The following FBXL7 variants were observed in gnomAD, a reference collection of about 807,000 sequenced individuals.
FBXL7 encodes F-box and leucine rich repeat protein 7.
Under a neutral mutation model 38.3 loss-of-function variants are expected in FBXL7, and 12 were observed. The ratio of observed to expected loss-of-function variants is 0.31; its 90% CI spans 0.20 to 0.51. The LOEUF (loss-of-function observed/expected upper bound fraction) is 0.51, where lower values mean the gene tolerates loss of function less well. FBXL7 is among the 20% of genes least tolerant of loss of function. The probability of loss-of-function intolerance (pLI) is 0.98; values close to 1 mark genes in which losing one functional copy is unlikely to be tolerated. For missense variants in FBXL7, 567 were observed against 676.4 expected (o/e 0.84, Z 1.79); for synonymous variants, 297 against 300.9 (o/e 0.99, Z 0.13).
intron 2 of FBXL7, among the ~76,000 whole-genome samples, chr5:15,643,407 T>G (rs1741430846): frequency 6.6e-6 from 1 of 152,182 alleles, no homozygotes; most frequent in Non-Finnish European, 1.5e-5. Flanking sequence ...ATGTAGTGCT[T>G]AAAAGAAACA....
intron 1 of FBXL7, among the ~76,000 whole-genome samples, chr5:15,563,105 T>C (rs1738464083): frequency 1.3e-5 from 2 of 152,254 alleles, no homozygotes; most frequent in South Asian, 4.1e-4. Flanking sequence ...TGTCTTCTGC[T>C]GGAAAGGTGC....
chr5:15,822,353 C>A (rs1738193177), intron 2 of FBXL7, among the ~76,000 whole-genome samples: 1 of 152,022 alleles, frequency 6.6e-6, no homozygotes, highest in Non-Finnish European at 1.5e-5. Flanking sequence ...CAGAGCACGA[C>A]TCCATCTCAA....
At position 15,928,517 on chromosome 5, in the gene FBXL7, C is replaced by G. The variant is rs753492842; in HGVS notation, c.739+16C>G. ...GATGTGTCAGGTAAATGGACACTGA[C>G]CTACCAGCTATGGGCCCTCCTGGTG... On this transcript the variant is annotated intron_variant, in intron 3 of 3. Coordinates refer to ENST00000504595, the MANE Select transcript of FBXL7 (RefSeq NM_012304.5). This position sits in a 1 kb window ranked among gnomAD's most constrained non-coding sequence, Gnocchi z 4.0. 2.8e-5 allele frequency: 44 copies of G among 1,597,922 alleles called. 1 individual carries two copies. In the South Asian group the frequency reaches 4.9e-4, roughly 18 times the overall value.
chr5:15,694,050 G>T (rs1743259798), intron 2 of FBXL7, among the ~76,000 whole-genome samples: 1 of 152,064 alleles, frequency 6.6e-6, no homozygotes, highest in South Asian at 2.1e-4. Context: ...TAAGCTGAAA[G>T]AACACACTGT....
At chr5:15,735,984 A>G (rs1735738896) in intron 2 of FBXL7, among the ~76,000 whole-genome samples, 1 of 152,220 alleles carries the variant, frequency 6.6e-6, no homozygotes, top group Non-Finnish European at 1.5e-5. Flanking sequence ...AGCAGGACGA[A>G]TAGTGTTTCA....
chr5:15,648,243 G>T (rs1036190134), intron 2 of FBXL7, among the ~76,000 whole-genome samples: 1 of 152,122 alleles, frequency 6.6e-6, no homozygotes, highest in East Asian at 1.9e-4. Flanking sequence ...TATTAGTTTC[G>T]TGGATCTTAT....
chr5:15,795,079 A>G (rs1665157082), intron 2 of FBXL7, among the ~76,000 whole-genome samples: 2 of 152,184 alleles, frequency 1.3e-5, no homozygotes, highest in African/African-American at 2.4e-5. Context: ...CTTCTGTGTG[A>G]TTCTGCATCT....
chr5:15,532,078 A>G (rs1239838877), intron 1 of FBXL7, among the ~76,000 whole-genome samples: 1 of 152,228 alleles, frequency 6.6e-6, no homozygotes, highest in East Asian at 1.9e-4. Flanking sequence ...CTTGGTACAC[A>G]TTGTGAGTGC....
At chr5:15,918,877 A>C (rs1741669737) in intron 2 of FBXL7, among the ~76,000 whole-genome samples, 1 of 152,264 alleles carries the variant, frequency 6.6e-6, no homozygotes, top group East Asian at 1.9e-4. Context: ...AACTCCCTCC[A>C]GGTGAAATGC....
chr5:15,584,679 A>G (rs900063200), intron 1 of FBXL7, among the ~76,000 whole-genome samples: 1 of 152,036 alleles, frequency 6.6e-6, no homozygotes, highest in Non-Finnish European at 1.5e-5. Context: ...CCATTACCCA[A>G]TTTCAAAGCT....
intron 2 of FBXL7, among the ~76,000 whole-genome samples, chr5:15,757,913 A>T (rs1736340620): frequency 6.6e-6 from 1 of 152,080 alleles, no homozygotes; most frequent in Admixed American, 6.6e-5. Flanking sequence ...CAGCTAGATG[A>T]TTCCTATTTT....
intron 2 of FBXL7, among the ~76,000 whole-genome samples, chr5:15,897,745 C>T (rs923678150): frequency 3.3e-5 from 5 of 152,098 alleles, no homozygotes; most frequent in African/African-American, 1.2e-4. Context: ...TGTTGAAGCC[C>T]CAGCCAGGCC....
chr5:15,500,817 C>T, intron 1 of FBXL7, 104 bp downstream of exon 1: 1 of 1,387,646 alleles, frequency 7.2e-7, no homozygotes, highest in Non-Finnish European at 1.0e-6. Context: ...CCGTGACGCA[C>T]CCCATTTGGC....
chr5:15,712,680 T>TA (rs199771551), intron 2 of FBXL7, among the ~76,000 whole-genome samples: 4,012 of 147,136 alleles, frequency 0.027, 106 homozygotes, highest in East Asian at 0.067. Flanking sequence ...CAATAAAATT[T>TA]AAAAAAAAAA....
intron 2 of FBXL7, among the ~76,000 whole-genome samples, chr5:15,917,644 GGGAA>G (rs57231456): frequency 0.076 from 6,914 of 90,582 alleles, 315 homozygotes; most frequent in African/African-American, 0.17. Context: ...AAGGAAGGGA[GGGAA>G]GGAAGGAAGG....
At chr5:15,888,986 T>A (rs1023794135) in intron 2 of FBXL7, among the ~76,000 whole-genome samples, 1 of 152,186 alleles carries the variant, frequency 6.6e-6, no homozygotes, top group Non-Finnish European at 1.5e-5. Context: ...GTACTGCGGT[T>A]CCCCTAAGAG....
rs576775317 is a variant in FBXL7, at chr5:15,620,497, G to A, written c.127+4425G>A. Among the ~76,000 whole-genome samples the A allele has an allele frequency of 1.3e-4, 19 of 149,202 alleles. No individual in the cohort carries two copies. The Middle Eastern group carries it at 0.01, about 82-fold the overall frequency. On this transcript the variant is annotated intron_variant, in intron 2 of 3. Transcript: ENST00000504595. ...ACTCCTGACCTTAGGTGATTCACCC[G>A]CCTCGGCCTCCTAAAGTGCTGTTAT...
intron 1 of FBXL7, among the ~76,000 whole-genome samples, chr5:15,516,164 C>T (rs1736931391): frequency 6.6e-6 from 1 of 152,044 alleles, no homozygotes; most frequent in African/African-American, 2.4e-5. Flanking sequence ...TCTATATTTA[C>T]TCTATATTCT....
chr5:15,818,144 G>C (rs1186285556), intron 2 of FBXL7, among the ~76,000 whole-genome samples: 1 of 152,030 alleles, frequency 6.6e-6, no homozygotes, highest in African/African-American at 2.4e-5. Context: ...GTGTATGTGT[G>C]GTGTGTGCGT....
Sources: allele counts gnomAD v4.1 joint callset (sites outside exome capture counted in the v4.1 genomes callset), GRCh38; gene constraint gnomAD v4.1.1; non-coding constraint Gnocchi (gnomAD v3.1); transcripts MANE v1.5; gene names NCBI Gene and HGNC (gene_info 2026-07-23, HGNC 2026-07-21).